Variants in CSMD1 observed in about 807,000 individuals in gnomAD.
The protein encoded by CSMD1 is CUB and sushi domain-containing protein 1.
Under a neutral mutation model 417.5 loss-of-function variants are expected in CSMD1, and 213 were observed. The ratio of observed to expected loss-of-function variants is 0.51; its 90% CI spans 0.46 to 0.57. The LOEUF is 0.57. Ranked by LOEUF, CSMD1 falls within the 20% of genes least tolerant of loss-of-function variation. The probability of loss-of-function intolerance (pLI) is 0.00; values close to 1 mark genes in which losing one functional copy is unlikely to be tolerated. For missense variants in CSMD1, 6,923 were observed against 4,529.7 expected (o/e 1.53, Z -15.17); for synonymous variants, 2,862 against 1,736.8 (o/e 1.65, Z -16.11).
At chr8:4,935,229 G>A (rs191982036) in intron 1 of CSMD1, among the ~76,000 whole-genome samples, 2 of 152,276 alleles carry the variant, frequency 1.3e-5, no homozygotes, top group East Asian at 1.9e-4. Flanking sequence ...TGGATCCAGA[G>A]TTCTTCCTGC....
At chr8:4,643,824 G>C (rs962101014) in intron 1 of CSMD1, among the ~76,000 whole-genome samples, 1 of 152,188 alleles carries the variant, frequency 6.6e-6, no homozygotes, top group Non-Finnish European at 1.5e-5. Flanking sequence ...TTAAAGTGCC[G>C]TTCCGGGGAC....
At chr8:3,807,842 G>A (rs959787680) in intron 5 of CSMD1, among the ~76,000 whole-genome samples, 5 of 152,116 alleles carry the variant, frequency 3.3e-5, no homozygotes, top group Non-Finnish European at 5.9e-5. Flanking sequence ...TTTACAAATG[G>A]AATGACTGTG....
chr8:3,939,570 T>C (rs756020197), intron 5 of CSMD1, among the ~76,000 whole-genome samples: 3 of 152,146 alleles, frequency 2.0e-5, no homozygotes, highest in East Asian at 1.9e-4. Flanking sequence ...TGCACAAGCA[T>C]GTTTATAGCA....
At position 4,137,605 on chromosome 8, in the gene CSMD1, A is replaced by C. The variant is rs561321085; in HGVS notation, c.416-105506T>G. 1.7e-4 allele frequency among the ~76,000 whole-genome samples: 23 copies of C among 131,864 alleles called. 4 individuals carry two copies. The South Asian group carries it at 4.5e-3, about 26-fold the overall frequency. The allele number at this position is 131,864 out of a possible 152,430, so 86.5% of individuals were successfully genotyped here. On this transcript the variant is annotated intron_variant, in intron 3 of 69. Transcript: ENST00000635120. ...TGGAACTGGTTGGTTTGTAAGATAC[A>C]AAAAAGACAACTGTTAATTGATCAC...
intron 2 of CSMD1, among the ~76,000 whole-genome samples, chr8:4,585,471 A>G (rs1339363539): frequency 6.6e-6 from 1 of 152,206 alleles, no homozygotes; most frequent in Non-Finnish European, 1.5e-5. Context: ...ATTTCCTCAT[A>G]AGGAGAAAAA....
chr8:3,828,816 T>C (rs889019095), intron 5 of CSMD1, among the ~76,000 whole-genome samples: 3 of 152,086 alleles, frequency 2.0e-5, no homozygotes, highest in Non-Finnish European at 4.4e-5. Flanking sequence ...TACAGCCTCA[T>C]GCCTCACTCT....
chr8:3,607,012 C>T (rs1302192216), intron 8 of CSMD1, among the ~76,000 whole-genome samples: 1 of 152,042 alleles, frequency 6.6e-6, no homozygotes, highest in Non-Finnish European at 1.5e-5. Flanking sequence ...GCCTGGCCTA[C>T]CGTGTTACAG....
chr8:4,432,753 T>A (rs7007659), intron 2 of CSMD1, among the ~76,000 whole-genome samples: 2 of 152,070 alleles, frequency 1.3e-5, no homozygotes, highest in Non-Finnish European at 2.9e-5. Flanking sequence ...ACCAGGGCCA[T>A]AGAGGAAATA....
intron 1 of CSMD1, among the ~76,000 whole-genome samples, chr8:4,763,033 C>G (rs899799903): frequency 4.6e-5 from 7 of 152,044 alleles, no homozygotes; most frequent in African/African-American, 1.7e-4. Flanking sequence ...ACCCTGCACC[C>G]CTAGCAAGAC....
chr8:4,410,900 A>G (rs887731047), intron 3 of CSMD1, among the ~76,000 whole-genome samples: 5 of 152,210 alleles, frequency 3.3e-5, no homozygotes, highest in African/African-American at 9.6e-5. Context: ...TATAAGTTCA[A>G]TAAGATCAAT....
At chr8:4,030,495 C>T (rs2688363) in intron 4 of CSMD1, among the ~76,000 whole-genome samples, 1 of 151,928 alleles carries the variant, frequency 6.6e-6, no homozygotes, top group African/African-American at 2.4e-5. Context: ...ACAGTTGGAG[C>T]AGCTGGGATG....
In CSMD1 at chr8:3,983,298, T is replaced by C. The variant is rs113709164; in HGVS notation, c.818+14605A>G. On this transcript the variant is annotated intron_variant, in intron 5 of 69. Coordinates refer to ENST00000635120, the MANE Select transcript of CSMD1 (RefSeq NM_033225.6). The stretch of plus-strand genomic sequence containing the variant: ...GGCGCCCACCACCACGCCCGGCTAA[T>C]TTTTTGTATTTTTAGTAGAGATGGG... 5.2e-3 allele frequency among the ~76,000 whole-genome samples: 789 copies of C among 151,692 alleles called. 6 individuals are homozygous for C. Among genetic ancestry groups the C allele is most frequent in the African/African-American group, 0.017 (683 of 41,384 alleles).
At chr8:4,406,547 C>G (rs1805033944) in intron 3 of CSMD1, among the ~76,000 whole-genome samples, 1 of 152,104 alleles carries the variant, frequency 6.6e-6, no homozygotes, top group African/African-American at 2.4e-5. Flanking sequence ...TTGAGGAGCA[C>G]AGAGTCCTGC....
chr8:4,354,530 T>C (rs1043786430), intron 3 of CSMD1, among the ~76,000 whole-genome samples: 9 of 152,130 alleles, frequency 5.9e-5, no homozygotes, highest in African/African-American at 2.2e-4. Flanking sequence ...CTTGATGTTG[T>C]GGAAAAGCTG....
chr8:3,971,655 C>G (rs535280276), intron 5 of CSMD1, among the ~76,000 whole-genome samples: 10 of 152,176 alleles, frequency 6.6e-5, no homozygotes, highest in African/African-American at 2.4e-4. Context: ...AATCCTGATC[C>G]GTGTGGAACA....
chr8:3,962,623 T>G (rs932418332), intron 5 of CSMD1, among the ~76,000 whole-genome samples: 3 of 152,126 alleles, frequency 2.0e-5, no homozygotes, highest in Admixed American at 2.0e-4. Flanking sequence ...GATCATTGGC[T>G]GAAAAGGAGA....
rs533390778 is a variant in CSMD1 at position 4,168,571 on chromosome 8, A to T, written c.416-136472T>A. 2.0e-5 allele frequency among the ~76,000 whole-genome samples: 3 copies of T among 152,210 alleles called. No homozygotes were observed. In the South Asian group the frequency reaches 6.2e-4, roughly 32 times the overall value. ...GTGAGCAGATGAGAAGCAGAAGGACAATAGACGGGCTTTGCAGGGACAAAA... is the reference window on the plus strand; with the variant it reads ...GTGAGCAGATGAGAAGCAGAAGGACTATAGACGGGCTTTGCAGGGACAAAA... On this transcript the variant is annotated intron_variant, in intron 3 of 69. Coordinates refer to ENST00000635120, the MANE Select transcript of CSMD1 (RefSeq NM_033225.6).
intron 6 of CSMD1, among the ~76,000 whole-genome samples, chr8:3,715,838 C>T (rs1051331564): frequency 3.3e-5 from 5 of 152,176 alleles, no homozygotes; most frequent in Admixed American, 6.5e-5. Flanking sequence ...CCACAGCGCC[C>T]GGCCTGCAAA....
At chr8:4,921,104 GAAAGAAAGAAAGAAAAGA>G (rs1302988151) in intron 1 of CSMD1, among the ~76,000 whole-genome samples, 6 of 150,514 alleles carry the variant, frequency 4.0e-5, no homozygotes, top group African/African-American at 4.9e-5. Flanking sequence ...GAAAAAAGAA[GAAAGAAAGAAAGAAAAGA>G]AAAGAAAGTA....
Sources: gnomAD v4.1 joint callset for allele counts (sites outside exome capture counted in the v4.1 genomes callset) on GRCh38, gnomAD v4.1.1 for gene constraint, MANE v1.5 for transcripts, NCBI Gene and HGNC (gene_info 2026-07-23, HGNC 2026-07-21) for gene names.